Variants in ATG7 observed in about 807,000 individuals in gnomAD.
ATG7 encodes autophagy related 7, also known as ubiquitin-like modifier-activating enzyme ATG7.
Under a neutral mutation model 82.4 loss-of-function variants are expected in ATG7, and 70 were observed. The ratio of observed to expected loss-of-function variants is 0.85; its 90% CI spans 0.70 to 1.04. The LOEUF (loss-of-function observed/expected upper bound fraction) is 1.04. ATG7 is among the 50% of genes least tolerant of loss of function. ATG7 has a pLI of 0.00. For missense variants in ATG7, 792 were observed against 864.3 expected (o/e 0.92, Z 1.05); for synonymous variants, 287 against 313.0 (o/e 0.92, Z 0.88).
At chr3:11,488,646 G>GCGACC (rs2090024661) in intron 20 of ATG7, among the ~76,000 whole-genome samples, 4 of 152,230 alleles carry the variant, frequency 2.6e-5, no homozygotes, top group South Asian at 2.1e-4. Context: ...CTCCGGCGCC[G>GCGACC]TGACCTCCTC....
At chr3:11,445,603 A>G (rs2084467348) in intron 20 of ATG7, among the ~76,000 whole-genome samples, 1 of 152,174 alleles carries the variant, frequency 6.6e-6, no homozygotes, top group South Asian at 2.1e-4. Context: ...TGGGTGATGA[A>G]ATAATCTGTA....
At chr3:11,517,478 A>G (rs886688661) in intron 20 of ATG7, among the ~76,000 whole-genome samples, 31 of 152,196 alleles carry the variant, frequency 2.0e-4, no homozygotes, top group African/African-American at 7.5e-4. Context: ...AAGAAAAAAA[A>G]CTCGATCCCT....
intron 3 of ATG7, among the ~76,000 whole-genome samples, chr3:11,294,316 G>T (rs986914089): frequency 6.6e-6 from 1 of 151,926 alleles, no homozygotes; most frequent in African/African-American, 2.4e-5. Flanking sequence ...CGCCTCCCAG[G>T]TTCAAGAGAT....
At chr3:11,446,598 G>T (rs776012257) in intron 20 of ATG7, 2 of 387,480 alleles carry the variant, frequency 5.2e-6, no homozygotes, top group Non-Finnish European at 5.0e-6. Flanking sequence ...GCCTTTAAAA[G>T]AATGAGGCAC....
downstream of ATG7, chr3:11,558,488 T>C: frequency 5.4e-6 from 8 of 1,483,586 alleles, no homozygotes; most frequent in Non-Finnish European, 7.2e-6. Context: ...TTTTTTTTTT[T>C]AAGTACTGAC....
chr3:11,315,109 T>C (rs554980723), intron 8 of ATG7, among the ~76,000 whole-genome samples: 7 of 152,188 alleles, frequency 4.6e-5, no homozygotes, highest in Non-Finnish European at 8.8e-5. Context: ...TACCATGTTG[T>C]AGTCCCTTTG....
In ATG7 at chr3:11,387,631, G is replaced by A. The variant is rs2152862658; in HGVS notation, c.1956+7579G>A. On this transcript the variant is annotated intron_variant, in intron 19 of 20. Transcript: ENST00000693202. Reference sequence around the variant, plus strand: ...CTATTCTTAAATTTTTTTGAGTCATGGATTGTGTTCAGACTGATGAAAGCA... The same window carrying A: ...CTATTCTTAAATTTTTTTGAGTCATAGATTGTGTTCAGACTGATGAAAGCA... Among the ~76,000 whole-genome samples, 2 of 152,222 alleles carry A rather than the reference G, an allele frequency of 1.3e-5. 1 individual carries two copies. Among genetic ancestry groups the A allele is most frequent in the Admixed American group, 1.3e-4 (2 of 15,272 alleles).
intron 20 of ATG7, among the ~76,000 whole-genome samples, chr3:11,532,226 A>G (rs537892006): frequency 1.7e-4 from 26 of 152,290 alleles, no homozygotes; most frequent in Middle Eastern, 3.4e-3. Flanking sequence ...TATTGATGCA[A>G]TGCACCACAT....
intron 20 of ATG7, among the ~76,000 whole-genome samples, chr3:11,436,250 A>G (rs761605583): frequency 7.9e-5 from 12 of 152,218 alleles, no homozygotes; most frequent in Non-Finnish European, 1.5e-4. Flanking sequence ...CATTGGGACA[A>G]TACAAATTGA....
At chr3:11,519,562 T>G (rs1426344818) in intron 20 of ATG7, among the ~76,000 whole-genome samples, 4 of 109,974 alleles carry the variant, frequency 3.6e-5, no homozygotes, top group Non-Finnish European at 7.0e-5. Flanking sequence ...TTTTTTTTTT[T>G]TTTTTTTTTT....
At chr3:11,559,513 C>A, downstream of ATG7, 1 of 1,484,104 alleles carries the variant, frequency 6.7e-7, no homozygotes, top group Non-Finnish European at 9.0e-7. Flanking sequence ...GGCACCACCC[C>A]TGGGGCCCTC....
chr3:11,477,118 T>C (rs1205708247), intron 20 of ATG7: 2 of 1,289,806 alleles, frequency 1.6e-6, no homozygotes, highest in Non-Finnish European at 2.0e-6. Flanking sequence ...AAAGGGAGCA[T>C]GTTTGTACCT....
At chr3:11,537,083 AC>A (rs1321634878) in intron 20 of ATG7, among the ~76,000 whole-genome samples, 1 of 151,942 alleles carries the variant, frequency 6.6e-6, no homozygotes, top group Non-Finnish European at 1.5e-5. Context: ...ACAGGGCCTC[AC>A]CCACCCAGCC....
chr3:11,337,016 C>T (rs1952619720), intron 11 of ATG7, among the ~76,000 whole-genome samples: 1 of 152,178 alleles, frequency 6.6e-6, no homozygotes, highest in Non-Finnish European at 1.5e-5. Flanking sequence ...TTTGCTTCCT[C>T]ATGGTGTGTT....
the ATG7 span, among the ~76,000 whole-genome samples, chr3:11,575,198 A>C: frequency 6.6e-6 from 1 of 152,164 alleles, no homozygotes; most frequent in African/African-American, 2.4e-5. Flanking sequence ...GGAGGGTTTC[A>C]AAAGCAGCTC....
chr3:11,470,014 G>C (rs1170462061), intron 20 of ATG7, among the ~76,000 whole-genome samples: 1 of 109,490 alleles, frequency 9.1e-6, no homozygotes, highest in Non-Finnish European at 2.0e-5. Flanking sequence ...AAAAAAGAGA[G>C]AGAGAGATGG....
At chr3:11,521,737 A>C (rs1156341274) in intron 20 of ATG7, among the ~76,000 whole-genome samples, 1 of 151,820 alleles carries the variant, frequency 6.6e-6, no homozygotes, top group East Asian at 1.9e-4. Flanking sequence ...TATTTTTAGT[A>C]GAGACGGGGT....
intron 1 of ATG7, chr3:11,277,121 C>G (rs1941982324): frequency 6.6e-6 from 1 of 152,408 alleles, no homozygotes; most frequent in East Asian, 1.9e-4. Context: ...TCCTGACTCA[C>G]ATCTCCTCCA....
the ATG7 span, among the ~76,000 whole-genome samples, chr3:11,573,206 AAG>A: frequency 6.7e-6 from 1 of 149,628 alleles, no homozygotes; most frequent in African/African-American, 2.5e-5. Context: ...GAAAGAAAAG[AAG>A]AGAGAGAGAG....
Sources: allele counts gnomAD v4.1 joint callset (sites outside exome capture counted in the v4.1 genomes callset), GRCh38; gene constraint gnomAD v4.1.1; transcripts MANE v1.5; gene names NCBI Gene and HGNC (gene_info 2026-07-23, HGNC 2026-07-21).